Variants in CC2D2A observed in about 807,000 individuals in gnomAD.
CC2D2A encodes coiled-coil and C2 domain containing 2A.
In CC2D2A, 155 loss-of-function variants were observed where a neutral mutation model predicts 212.9. That is an observed-to-expected ratio of 0.73 (90% CI 0.64 to 0.83). The LOEUF is 0.83. Among genes scored for constraint, CC2D2A ranks in the 40% least tolerant of loss-of-function variants. CC2D2A has a pLI of 0.00. For missense variants in CC2D2A, 1,856 were observed against 1,956.2 expected, an observed-to-expected ratio of 0.95 and a Z score of 0.97; for synonymous variants, 667 against 686.5, an observed-to-expected ratio of 0.97 and a Z score of 0.44.
chr4:15,559,588 A>G (rs1719462117), intron 22 of CC2D2A, among the ~76,000 whole-genome samples: 1 of 152,204 alleles, frequency 6.6e-6, no homozygotes, highest in Non-Finnish European at 1.5e-5. Flanking sequence ...GAAAAAAACA[A>G]AAGTTTTTAA....
At chr4:15,510,083 C>T in intron 6 of CC2D2A, 56 bp from the exon 7 acceptor site, 2 of 1,331,716 alleles carry the variant, frequency 1.5e-6, no homozygotes, top group Non-Finnish European at 2.1e-6. Context: ...CATTTTAGAA[C>T]AGCCTAAGTT....
At chr4:15,480,282 A>G (rs1714541454) in intron 3 of CC2D2A, among the ~76,000 whole-genome samples, 1 of 152,122 alleles carries the variant, frequency 6.6e-6, no homozygotes, top group African/African-American at 2.4e-5. Flanking sequence ...GAGTGTGGGG[A>G]AGGAACCAGA....
At chr4:15,592,931 A>G (rs1435324077) in intron 33 of CC2D2A, among the ~76,000 whole-genome samples, 1 of 152,094 alleles carries the variant, frequency 6.6e-6, no homozygotes, top group Non-Finnish European at 1.5e-5. Context: ...CAAACCCTCG[A>G]ATTATTCTTG....
In CC2D2A at chr4:15,528,558, C is replaced by T; in HGVS notation, c.1360-62C>T. 3 of 1,376,202 alleles carry T rather than the reference C, an allele frequency of 2.2e-6. No homozygotes were observed. In the East Asian group the frequency reaches 6.9e-5, roughly 32 times the overall value. 85.2% of individuals were successfully genotyped at this position (1,376,202 alleles called of 1,614,324 possible). ...TTTGCCCAGGAGAAGTGGGTGGGTC[C>T]AGTTGCACTGCAGTAGGGAATAGAG... is the stretch of plus-strand genomic sequence containing the variant. On this transcript the variant is annotated intron_variant, in intron 12 of 36. Coordinates refer to ENST00000424120, the MANE Select transcript of CC2D2A (RefSeq NM_001378615.1).
intron 4 of CC2D2A, among the ~76,000 whole-genome samples, chr4:15,496,272 T>A (rs890103860): frequency 4.6e-5 from 7 of 152,190 alleles, no homozygotes; most frequent in African/African-American, 1.7e-4. Flanking sequence ...TTTGGTGCAA[T>A]TGCTTTTGGA....
At chr4:15,473,004 T>C (rs1713939090) in intron 1 of CC2D2A, among the ~76,000 whole-genome samples, 1 of 152,210 alleles carries the variant, frequency 6.6e-6, no homozygotes, top group African/African-American at 2.4e-5. Context: ...GCCATATGCC[T>C]GTTGTTTCTC....
At chr4:15,510,935 C>G (rs1477446837) in intron 7 of CC2D2A, among the ~76,000 whole-genome samples, 1 of 152,190 alleles carries the variant, frequency 6.6e-6, no homozygotes, top group Non-Finnish European at 1.5e-5. Flanking sequence ...AATAAATCCA[C>G]TGTTTGTCAT....
intron 20 of CC2D2A, among the ~76,000 whole-genome samples, chr4:15,556,240 C>T (rs781713254): frequency 2.0e-5 from 3 of 152,186 alleles, no homozygotes; most frequent in African/African-American, 4.8e-5. Context: ...AGCAACACAT[C>T]CTTATGATCA....
Position 15,583,456 on chromosome 4 carries a change from AACTGTTAGAAC to A in CC2D2A, c.3976-2700_3976-2690del, listed in dbSNP as rs569428803. On this transcript the variant is annotated intron_variant, in intron 30 of 36. Transcript: ENST00000424120. ...GAAAACCCTAAAGACCCCATCAAGA[AACTGTTAGAAC>A]TAATAAATAAGTTTAGTAAAGTTGC... Among the ~76,000 whole-genome samples the A allele has an allele frequency of 2.2e-4, 33 of 152,348 alleles. No homozygotes were observed. The East Asian group carries it at 5.2e-3, about 24-fold the overall frequency.
At chr4:15,512,035 C>G (rs1672990924) in intron 8 of CC2D2A, among the ~76,000 whole-genome samples, 1 of 152,170 alleles carries the variant, frequency 6.6e-6, no homozygotes, top group African/African-American at 2.4e-5. Context: ...CCTGCACATC[C>G]ATTAGAATGG....
At position 15,563,493 on chromosome 4, in the gene CC2D2A, C is replaced by T. The variant is rs373671064; in HGVS notation, c.3153C>T (p.Tyr1051=). The part of the protein sequence containing the change: ...IKLLVNIVRA[Y]DIPVRKPAVS... ...TGCTGGTGAACATTGTGCGAGCTTA[C>T]GACATTCCAGTGAGGAAGCCGGCAG... Residue 1051 remains tyrosine, a synonymous_variant, in exon 24 of 37, where the codon TAC becomes TAT. Transcript: ENST00000424120. 52 of 1,612,322 alleles carry T rather than the reference C, an allele frequency of 3.2e-5. No individual in the cohort carries two copies. The highest frequency in any genetic ancestry group is 2.2e-4 in the East Asian group (10 of 44,744).
Position 15,542,714 on chromosome 4 carries a change from C to T in CC2D2A, c.2181+1700C>T, listed in dbSNP as rs563158824. The stretch of plus-strand genomic sequence containing the variant: ...GCCACATAAGCCCCACTTCAAGGAC[C>T]CCCTGGACCTTACCACAATTGACCA... On this transcript the variant is annotated intron_variant, in intron 17 of 36. Coordinates refer to ENST00000424120, the MANE Select transcript of CC2D2A (RefSeq NM_001378615.1). 1.3e-4 allele frequency among the ~76,000 whole-genome samples: 20 copies of T among 152,234 alleles called. No homozygotes were observed. The East Asian group carries it at 3.9e-3, about 29-fold the overall frequency.
At chr4:15,555,892 C>T (rs1002712641) in intron 20 of CC2D2A, among the ~76,000 whole-genome samples, 2 of 152,184 alleles carry the variant, frequency 1.3e-5, no homozygotes, top group African/African-American at 2.4e-5. Context: ...AGAAACTCAG[C>T]GTTATTTGCT....
chr4:15,486,068 T>C (rs1189207970), intron 4 of CC2D2A, among the ~76,000 whole-genome samples: 3 of 152,196 alleles, frequency 2.0e-5, no homozygotes, highest in African/African-American at 7.2e-5. Flanking sequence ...TTGGCTAGTA[T>C]TTTGTTGATG....
At chr4:15,510,620 A>G (rs943024673) in intron 7 of CC2D2A, among the ~76,000 whole-genome samples, 3 of 152,140 alleles carry the variant, frequency 2.0e-5, no homozygotes, top group African/African-American at 7.2e-5. Flanking sequence ...ATAAATGACT[A>G]CATATATAAC....
At chr4:15,536,164 C>T (rs1718118995) in intron 14 of CC2D2A, among the ~76,000 whole-genome samples, 1 of 151,938 alleles carries the variant, frequency 6.6e-6, no homozygotes, top group South Asian at 2.1e-4. Flanking sequence ...CATCCAAAGT[C>T]AAAAAAGTGG....
Position 15,597,391 on chromosome 4 carries a change from A to AT in CC2D2A, c.4438-12dup. The AT allele has an allele frequency of 6.5e-7, 1 of 1,540,834 alleles. No homozygotes were observed. The highest frequency in any genetic ancestry group is 1.4e-5 in the African/African-American group (1 of 72,762). ...AGGTGATTTTTATACTTTCTGAACT[A>AT]TTTTCTCTTCTATAGCCTGAAGAGC... On this transcript the variant is annotated splice_polypyrimidine_tract_variant and intron_variant, in intron 34 of 36. Transcript: ENST00000424120.
At chr4:15,561,182 A>G (rs537763407) in intron 23 of CC2D2A, among the ~76,000 whole-genome samples, 1 of 152,184 alleles carries the variant, frequency 6.6e-6, no homozygotes, top group Non-Finnish European at 1.5e-5. Context: ...TGATTGACTC[A>G]TTAGTTTGGA....
chr4:15,577,125 T>C (rs1348337275), intron 29 of CC2D2A, among the ~76,000 whole-genome samples: 1 of 113,358 alleles, frequency 8.8e-6, no homozygotes, highest in African/African-American at 3.3e-5. Flanking sequence ...TCCCAAGTAC[T>C]GGGACCACAG....
Sources: gnomAD v4.1 joint callset for allele counts (sites outside exome capture counted in the v4.1 genomes callset) on GRCh38, gnomAD v4.1.1 for gene constraint, MANE v1.5 for transcripts, NCBI Gene and HGNC (gene_info 2026-07-23, HGNC 2026-07-21) for gene names.